The following CDV3 variants were observed in gnomAD, a reference collection of about 807,000 sequenced individuals.
CDV3 encodes CDV3 homolog.
Under a neutral mutation model 24.5 loss-of-function variants are expected in CDV3, and 14 were observed. That is an observed-to-expected ratio of 0.57 (90% CI 0.38 to 0.89). The LOEUF is 0.89. CDV3 is among the 40% of genes least tolerant of loss of function. The probability of loss-of-function intolerance (pLI) is 0.00; values close to 1 mark genes in which losing one functional copy is unlikely to be tolerated. For synonymous variants in CDV3, 114 were observed against 114.1 expected, an observed-to-expected ratio of 1.00 and a Z score of 0.00; for missense variants, 304 against 310.2, an observed-to-expected ratio of 0.98 and a Z score of 0.15.
chr3:133,576,088 A>G (rs543021488), intron 2 of CDV3, among the ~76,000 whole-genome samples: 1 of 152,364 alleles, frequency 6.6e-6, no homozygotes, highest in East Asian at 1.9e-4. Flanking sequence ...CTATAGCTTT[A>G]GATAACTTAC....
At chr3:133,587,074 T>G in intron 4 of CDV3, 1 of 651,792 alleles carries the variant, frequency 1.5e-6, no homozygotes, top group Non-Finnish European at 2.4e-6. Context: ...ATAAAAGCGC[T>G]GTTTAATTGT....
At chr3:133,574,892 C>G in intron 1 of CDV3, 147 bp from the exon 2 acceptor site, 1 of 734,102 alleles carries the variant, frequency 1.4e-6, no homozygotes, top group Non-Finnish European at 2.2e-6. Context: ...CCTAGTTTGC[C>G]CCAGAACGAA....
chr3:133,590,081 CTTG>C lies in CDV3; in HGVS notation c.*2038_*2040del, dbSNP rs1213783583. 1 of 152,086 alleles carries C rather than the reference CTTG, an allele frequency of 6.6e-6. No individual in the cohort carries two copies. Among genetic ancestry groups the C allele is most frequent in the Admixed American group, 6.5e-5 (1 of 15,268 alleles). 9.4% of individuals were successfully genotyped at this position (152,086 alleles called of 1,614,324 possible). A position where few individuals can be genotyped will look rare whatever the true frequency, so the allele number is the denominator to read the frequency against. On this transcript the variant is annotated 3_prime_UTR_variant, in exon 5 of 5. Transcript: ENST00000264993. Reference sequence around the variant, plus strand: ...CCTGCAGCAGATTTAAATTACAACTCTTGTTATAACTTTTTAAAAGATTGTGAA... The same window carrying C: ...CCTGCAGCAGATTTAAATTACAACTCTTATAACTTTTTAAAAGATTGTGAA...
In CDV3 at chr3:133,589,241, C is replaced by G. The variant is rs964339956; in HGVS notation, c.*1195C>G. 2 of 152,610 alleles carry G rather than the reference C, an allele frequency of 1.3e-5. No homozygotes were observed. The highest frequency in any genetic ancestry group is 2.9e-5 in the Non-Finnish European group (2 of 68,046). The allele number at this position is 152,610 out of a possible 1,614,324, so 9.5% of individuals were successfully genotyped here. A position where few individuals can be genotyped will look rare whatever the true frequency, so the allele number is the denominator to read the frequency against. On this transcript the variant is annotated 3_prime_UTR_variant, in exon 5 of 5. Coordinates refer to ENST00000264993, the MANE Select transcript of CDV3 (RefSeq NM_017548.5). ...GATAAGAATTCCTCATGTACTTGTG[C>G]CTAGTTTTTCAAGGTATTGGCTGTT...
intron 2 of CDV3, among the ~76,000 whole-genome samples, chr3:133,576,427 C>T (rs897324400): frequency 1.3e-5 from 2 of 152,144 alleles, no homozygotes; most frequent in African/African-American, 4.8e-5. Context: ...GTGGAACTGC[C>T]TGTGTGTGTG....
At chr3:133,575,152 GGGATAGATATT>G in intron 2 of CDV3, 37 bp downstream of exon 2, 1 of 1,115,470 alleles carries the variant, frequency 9.0e-7, no homozygotes, top group Non-Finnish European at 1.4e-6. Context: ...GATAACCTTT[GGGATAGATATT>G]GGATACAAGT....
In CDV3 at chr3:133,588,456, T is replaced by A. The variant is rs532760243; in HGVS notation, c.*410T>A. ...ATAAGAAGATTACAACTATTAAGTGTCGATGTGAACCTTGCAACCAGCTCT... is the reference window on the plus strand; with the variant it reads ...ATAAGAAGATTACAACTATTAAGTGACGATGTGAACCTTGCAACCAGCTCT... On this transcript the variant is annotated 3_prime_UTR_variant, in exon 5 of 5. Coordinates refer to ENST00000264993, the MANE Select transcript of CDV3 (RefSeq NM_017548.5). 1 of 1,287,674 alleles carries A rather than the reference T, an allele frequency of 7.8e-7. No individual in the cohort carries two copies. The highest frequency in any genetic ancestry group is 2.5e-5 in the East Asian group (1 of 39,712). 79.8% of individuals were successfully genotyped at this position (1,287,674 alleles called of 1,614,324 possible).
At position 133,589,329 on chromosome 3, in the gene CDV3, C is replaced by T. The variant is rs1456136844; in HGVS notation, c.*1283C>T. 1 of 152,552 alleles carries T rather than the reference C, an allele frequency of 6.6e-6. No individual in the cohort carries two copies. Among genetic ancestry groups the T allele is most frequent in the African/African-American group, 2.4e-5 (1 of 41,418 alleles). 9.4% of individuals were successfully genotyped at this position (152,552 alleles called of 1,614,324 possible). A position where few individuals can be genotyped will look rare whatever the true frequency, so the allele number is the denominator to read the frequency against. On this transcript the variant is annotated 3_prime_UTR_variant, in exon 5 of 5. Coordinates refer to ENST00000264993, the MANE Select transcript of CDV3 (RefSeq NM_017548.5). ...CAGCCTTTTGGTGTGTCTTTATGTT[C>T]ATTTGGAGAGTCAGGGCGAAAGACA...
Position 133,588,333 on chromosome 3 carries a change from C to CAAA in CDV3, c.*289_*291dup. 1 of 1,536,424 alleles carries CAAA rather than the reference C, an allele frequency of 6.5e-7. No homozygotes were observed. Among genetic ancestry groups the CAAA allele is most frequent in the Non-Finnish European group, 8.7e-7 (1 of 1,146,870 alleles). On this transcript the variant is annotated 3_prime_UTR_variant, in exon 5 of 5. Coordinates refer to ENST00000264993, the MANE Select transcript of CDV3 (RefSeq NM_017548.5). ...CAAAACCTGCAGCCAGTGGTCATTT[C>CAAA]AAAATCTTTTTATGTTCAGATACTG...
intron 2 of CDV3, among the ~76,000 whole-genome samples, chr3:133,580,314 G>C (rs1212562641): frequency 6.6e-6 from 1 of 152,120 alleles, no homozygotes; most frequent in Non-Finnish European, 1.5e-5. Flanking sequence ...CCATTTTTAT[G>C]GCTGCATAGT....
At chr3:133,578,775 C>G (rs1375187798) in intron 2 of CDV3, among the ~76,000 whole-genome samples, 3 of 152,138 alleles carry the variant, frequency 2.0e-5, no homozygotes. Context: ...TCCAGCAGCT[C>G]AATCCAGTCT....
At position 133,583,985 on chromosome 3, in the gene CDV3, C is replaced by T. The variant is rs906484115; in HGVS notation, c.318-17C>T. On this transcript the variant is annotated splice_polypyrimidine_tract_variant and intron_variant, in intron 2 of 4. Transcript: ENST00000264993. Reference sequence around the variant, plus strand: ...TCTTGGTGATTCCTTAATGAATTTACATCTTTGCTTTTCCAGCAGTGAAAA... The same window carrying T: ...TCTTGGTGATTCCTTAATGAATTTATATCTTTGCTTTTCCAGCAGTGAAAA... 9.5e-6 allele frequency: 15 copies of T among 1,583,210 alleles called. No homozygotes were observed. The highest frequency in any genetic ancestry group is 1.3e-5 in the Non-Finnish European group (15 of 1,165,830).
chr3:133,585,684 C>T (rs1384712858), intron 3 of CDV3, among the ~76,000 whole-genome samples: 6 of 151,526 alleles, frequency 4.0e-5, no homozygotes, highest in East Asian at 2.0e-4. Context: ...TTAGTAGAGA[C>T]GGGGTTTCAC....
intron 2 of CDV3, among the ~76,000 whole-genome samples, chr3:133,575,551 C>A (rs560245312): frequency 2.0e-5 from 3 of 152,174 alleles, no homozygotes; most frequent in African/African-American, 7.2e-5. Context: ...TTTATGTGTT[C>A]ACACAGTGCA....
intron 2 of CDV3, among the ~76,000 whole-genome samples, chr3:133,580,111 C>T (rs2074958540): frequency 6.6e-6 from 1 of 151,902 alleles, no homozygotes; most frequent in Non-Finnish European, 1.5e-5. Flanking sequence ...CTAACGCTAT[C>T]CCTCCCCCAG....
In CDV3 at chr3:133,584,120, C is replaced by T; in HGVS notation, c.436C>T (p.Pro146Ser). The T allele has an allele frequency of 7.4e-6, 12 of 1,611,844 alleles. No homozygotes were observed. Among genetic ancestry groups the T allele is most frequent in the Non-Finnish European group, 7.6e-6 (9 of 1,178,778 alleles). Residue 146 changes from proline (P) to serine (S), a missense_variant, in exon 3 of 5, where the codon CCA (proline) becomes TCA (serine). Pro to Ser is a moderately conservative substitution (Grantham distance 74, BLOSUM62 -1). Transcript: ENST00000264993. ...KSSGPWNKTA[P>S]VQAPPAPVIV... ...TTCAGGTCCCTGGAATAAAACAGCT[C>T]CAGTACAAGCACCTCCTGCTCCAGT...
In CDV3 at chr3:133,588,867, C is replaced by T. The variant is rs1304165005; in HGVS notation, c.*821C>T. On this transcript the variant is annotated 3_prime_UTR_variant, in exon 5 of 5. Coordinates refer to ENST00000264993, the MANE Select transcript of CDV3 (RefSeq NM_017548.5). ...TTTTGTTTTTGTTCTGCATTAAGGC[C>T]TTTTTTGCTTTGACTTGAAATAAGT... 6.5e-6 allele frequency: 1 copy of T among 153,342 alleles called. No individual in the cohort carries two copies. The highest frequency in any genetic ancestry group is 1.4e-5 in the Non-Finnish European group (1 of 69,062). 9.5% of individuals were successfully genotyped at this position (153,342 alleles called of 1,614,324 possible).
chr3:133,586,541 A>G (rs773016268), intron 3 of CDV3, 22 bp from the exon 4 acceptor site: 2 of 1,358,086 alleles, frequency 1.5e-6, no homozygotes, highest in Admixed American at 1.9e-5. Flanking sequence ...TAGTTTATCT[A>G]AAAATTGTTA....
rs781566777 is a variant in CDV3 at position 133,584,047 on chromosome 3, T to C, written c.363T>C (p.Gly121=). Residue 121 remains glycine (G), a synonymous_variant, in exon 3 of 5, where the codon GGT becomes GGC. Coordinates refer to ENST00000264993, the MANE Select transcript of CDV3 (RefSeq NM_017548.5). ...EDDNEKRQDP[G]DNWEEGGGGG... is the part of the protein sequence containing the mutation. ...ATAATGAAAAGAGACAAGATCCAGGTGATAACTGGGAAGAAGGTGGAGGTG... is the reference window on the plus strand; with the variant it reads ...ATAATGAAAAGAGACAAGATCCAGGCGATAACTGGGAAGAAGGTGGAGGTG... 2.5e-6 allele frequency: 4 copies of C among 1,612,028 alleles called. No homozygotes were observed. Among genetic ancestry groups the C allele is most frequent in the Non-Finnish European group, 3.4e-6 (4 of 1,178,284 alleles).
Sources: allele counts gnomAD v4.1 joint callset (sites outside exome capture counted in the v4.1 genomes callset), GRCh38; gene constraint gnomAD v4.1.1; transcripts MANE v1.5; gene names NCBI Gene and HGNC (gene_info 2026-07-23, HGNC 2026-07-21).